SPACA4: variants seen among roughly 807,000 people sequenced by gnomAD.
SPACA4 encodes the protein sperm acrosome membrane-associated protein 4.
For synonymous variants in SPACA4, 63 were observed against 77.5 expected, an observed-to-expected ratio of 0.81 and a Z score of 0.98; for missense variants, 130 against 169.4, an observed-to-expected ratio of 0.77 and a Z score of 1.29.
Position 48,607,461 on chromosome 19 carries a change from C to G in SPACA4, c.*108C>G. ...CAGAGAGGCCCTGGACAACCTCTTG[C>G]GGCCCTGGCTTCATCCCTTCTAAGG... On this transcript the variant is annotated 3_prime_UTR_variant, in exon 1 of 1. Transcript: ENST00000321762. 1 of 1,405,610 alleles carries G rather than the reference C, an allele frequency of 7.1e-7. No individual in the cohort carries two copies. 87.1% of individuals were successfully genotyped at this position (1,405,610 alleles called of 1,614,324 possible).
rs1276807012 is a variant in SPACA4, at chr19:48,607,438, G to C, written c.*85G>C. The C allele has an allele frequency of 6.8e-7, 1 of 1,475,136 alleles. No homozygotes were observed. Among genetic ancestry groups the C allele is most frequent in the South Asian group, 1.4e-5 (1 of 73,302 alleles). The allele number at this position is 1,475,136 out of a possible 1,614,324, so 91.4% of individuals were successfully genotyped here. On this transcript the variant is annotated 3_prime_UTR_variant, in exon 1 of 1. Transcript: ENST00000321762. Reference sequence around the variant, plus strand: ...ATGTCCTTCCCCCACTAAATGGCCAGAGAGGCCCTGGACAACCTCTTGCGG... The same window carrying C: ...ATGTCCTTCCCCCACTAAATGGCCACAGAGGCCCTGGACAACCTCTTGCGG...
chr19:48,607,504 G>A lies in SPACA4; in HGVS notation c.*151G>A, dbSNP rs1006816234. Reference sequence around the variant, plus strand: ...TTCTAAGGCTGTCCACCAGGAGCCCGGTGCTAGGGGAAGCATCCCCAGGCC... The same window carrying A: ...TTCTAAGGCTGTCCACCAGGAGCCCAGTGCTAGGGGAAGCATCCCCAGGCC... On this transcript the variant is annotated 3_prime_UTR_variant, in exon 1 of 1. Transcript: ENST00000321762. 7.6e-4 allele frequency: 830 copies of A among 1,087,856 alleles called. 8 individuals carry two copies. The highest frequency in any genetic ancestry group is 1.0e-4 in the Non-Finnish European group (78 of 769,520). The allele number at this position is 1,087,856 out of a possible 1,614,324, so 67.4% of individuals were successfully genotyped here.
In SPACA4 at chr19:48,607,527, G is replaced by T; in HGVS notation, c.*174G>T. On this transcript the variant is annotated 3_prime_UTR_variant, in exon 1 of 1. Coordinates refer to ENST00000321762, the MANE Select transcript of SPACA4 (RefSeq NM_133498.3). ...CCGGTGCTAGGGGAAGCATCCCCAG[G>T]CCTGACTGAGCGGCAGGGGAGCACG... 1 of 850,150 alleles carries T rather than the reference G, an allele frequency of 1.2e-6. No homozygotes were observed. The highest frequency in any genetic ancestry group is 1.8e-6 in the Non-Finnish European group (1 of 553,470). 52.7% of individuals were successfully genotyped at this position (850,150 alleles called of 1,614,324 possible). A position where few individuals can be genotyped will look rare whatever the true frequency, so the allele number is the denominator to read the frequency against.
rs758159234 is a variant in SPACA4, at chr19:48,607,336, C to A, written c.358C>A (p.Pro120Thr). ...GGCACTGGGGCTGGGTATGCTGCTT[C>A]CTCCACGTTTGCTGTGACCAACAGG... ...SLALGLGMLLPPRLL is the reference protein window; with the variant it reads ...SLALGLGMLLTPRLL The change falls in exon 1 of 1, where the codon CCT becomes ACT. Residue 120 changes from proline (P) to threonine (T), a missense_variant. Transcript: ENST00000321762. 6.3e-7 allele frequency: 1 copy of A among 1,591,658 alleles called. No individual in the cohort carries two copies. Among genetic ancestry groups the A allele is most frequent in the Non-Finnish European group, 8.6e-7 (1 of 1,168,414 alleles).
Position 48,607,494 on chromosome 19 carries a change from C to T in SPACA4, c.*141C>T. 8.4e-7 allele frequency: 1 copy of T among 1,184,390 alleles called. No individual in the cohort carries two copies. Among genetic ancestry groups the T allele is most frequent in the Non-Finnish European group, 1.2e-6 (1 of 857,130 alleles). The allele number at this position is 1,184,390 out of a possible 1,614,324, so 73.4% of individuals were successfully genotyped here. On this transcript the variant is annotated 3_prime_UTR_variant, in exon 1 of 1. Transcript: ENST00000321762. ...GCTTCATCCCTTCTAAGGCTGTCCA[C>T]CAGGAGCCCGGTGCTAGGGGAAGCA...
In SPACA4 at chr19:48,606,766, G is replaced by A. The variant is rs1346189043; in HGVS notation, c.-213G>A. The A allele has an allele frequency of 5.0e-6, 3 of 602,666 alleles. No individual in the cohort carries two copies. The East Asian group carries it at 8.3e-5, about 17-fold the overall frequency. The allele number at this position is 602,666 out of a possible 1,614,324, so 37.3% of individuals were successfully genotyped here. On this transcript the variant is annotated 5_prime_UTR_variant, in exon 1 of 1. Coordinates refer to ENST00000321762, the MANE Select transcript of SPACA4 (RefSeq NM_133498.3). ...CATTCCATTCACAGACTCTTGTTGG[G>A]CAGCAGCCACCCGCTCACCTCCATC...
Position 48,607,017 on chromosome 19 carries a change from G to GC in SPACA4, c.44dup (p.Gly16ArgfsTer12), listed in dbSNP as rs1568419716. 1.9e-6 allele frequency: 3 copies of GC among 1,610,698 alleles called. No homozygotes were observed. Among genetic ancestry groups the GC allele is most frequent in the Non-Finnish European group, 2.5e-6 (3 of 1,179,940 alleles). On this transcript the variant is annotated frameshift_variant, in exon 1 of 1. Coordinates refer to ENST00000321762, the MANE Select transcript of SPACA4 (RefSeq NM_133498.3). LOFTEE classifies it low-confidence loss of function (END_TRUNC). Reference sequence around the variant, plus strand: ...GGCTGCTGCTTCTGGTGATGGCTCTGCCCCCAGGCACGACGGGCGTCAAGG... The same window carrying GC: ...GGCTGCTGCTTCTGGTGATGGCTCTGCCCCCCAGGCACGACGGGCGTCAAGG...
chr19:48,606,862 AC>A lies in SPACA4; in HGVS notation c.-115del. 1 of 1,329,906 alleles carries A rather than the reference AC, an allele frequency of 7.5e-7. No homozygotes were observed. Among genetic ancestry groups the A allele is most frequent in the Non-Finnish European group, 1.0e-6 (1 of 992,894 alleles). The allele number at this position is 1,329,906 out of a possible 1,614,324, so 82.4% of individuals were successfully genotyped here. On this transcript the variant is annotated 5_prime_UTR_variant, in exon 1 of 1. Coordinates refer to ENST00000321762, the MANE Select transcript of SPACA4 (RefSeq NM_133498.3). ...CAGGCGCTGACCCTGGGAGGCCAGG[AC>A]CAGGGCCAAAGTCCCGTGGGCAAGA...
chr19:48,607,551 C>A lies in SPACA4; in HGVS notation c.*198C>A. ...GGCCTGACTGAGCGGCAGGGGAGCA[C>A]GGCCCGTGGGTTTGATTGTATTACT... On this transcript the variant is annotated 3_prime_UTR_variant, in exon 1 of 1. Transcript: ENST00000321762. The A allele has an allele frequency of 1.4e-6, 1 of 690,188 alleles. No individual in the cohort carries two copies. Among genetic ancestry groups the A allele is most frequent in the Non-Finnish European group, 2.4e-6 (1 of 408,900 alleles). The allele number at this position is 690,188 out of a possible 1,614,324, so 42.8% of individuals were successfully genotyped here.
At position 48,606,898 on chromosome 19, in the gene SPACA4, A is replaced by C. The variant is rs1973940041; in HGVS notation, c.-81A>C. 6 of 1,515,090 alleles carry C rather than the reference A, an allele frequency of 4.0e-6. No individual in the cohort carries two copies. Among genetic ancestry groups the C allele is most frequent in the Admixed American group, 2.0e-5 (1 of 49,490 alleles). 93.9% of individuals were successfully genotyped at this position (1,515,090 alleles called of 1,614,324 possible). On this transcript the variant is annotated 5_prime_UTR_variant, in exon 1 of 1. Transcript: ENST00000321762. ...AGTCCCGTGGGCAAGAGGAGTCCTC[A>C]GAGGTCCTTCATTCAGCGGTTCCGG... is the stretch of plus-strand genomic sequence containing the variant.
In SPACA4 at chr19:48,606,944, C is replaced by T; in HGVS notation, c.-35C>T. 1 of 1,591,928 alleles carries T rather than the reference C, an allele frequency of 6.3e-7. No homozygotes were observed. Among genetic ancestry groups the T allele is most frequent in the Non-Finnish European group, 8.5e-7 (1 of 1,173,916 alleles). ...TCCGGGAGGTCTGGGAAGCCCACGG[C>T]CTGGCTGGGGCAGGGTCAACGCCGC... On this transcript the variant is annotated 5_prime_UTR_variant, in exon 1 of 1. Coordinates refer to ENST00000321762, the MANE Select transcript of SPACA4 (RefSeq NM_133498.3).
At position 48,607,040 on chromosome 19, in the gene SPACA4, A is replaced by G. The variant is rs1476016193; in HGVS notation, c.62A>G (p.Lys21Arg). The change falls in exon 1 of 1, where the codon AAG (lysine) becomes AGG (arginine). Residue 21 changes from lysine (K) to arginine (R), a missense_variant. Coordinates refer to ENST00000321762, the MANE Select transcript of SPACA4 (RefSeq NM_133498.3). ...MALPPGTTGV[K>R]DCVFCELTDS... ...CTGCCCCCAGGCACGACGGGCGTCAAGGACTGCGTCTTCTGTGAGCTCACC... is the reference window on the plus strand; with the variant it reads ...CTGCCCCCAGGCACGACGGGCGTCAGGGACTGCGTCTTCTGTGAGCTCACC... The G allele has an allele frequency of 3.7e-6, 6 of 1,612,368 alleles. No individual in the cohort carries two copies. The South Asian group carries it at 5.5e-5, about 15-fold the overall frequency.
chr19:48,607,531 G>C lies in SPACA4; in HGVS notation c.*178G>C. ...TGCTAGGGGAAGCATCCCCAGGCCT[G>C]ACTGAGCGGCAGGGGAGCACGGCCC... On this transcript the variant is annotated 3_prime_UTR_variant, in exon 1 of 1. Transcript: ENST00000321762. 1.2e-6 allele frequency: 1 copy of C among 832,982 alleles called. No homozygotes were observed. Among genetic ancestry groups the C allele is most frequent in the Non-Finnish European group, 1.9e-6 (1 of 538,050 alleles). The allele number at this position is 832,982 out of a possible 1,614,324, so 51.6% of individuals were successfully genotyped here. A position where few individuals can be genotyped will look rare whatever the true frequency, so the allele number is the denominator to read the frequency against.
In SPACA4 at chr19:48,607,651, G is replaced by A. The variant is rs1331829732; in HGVS notation, c.*298G>A. 1 of 424,968 alleles carries A rather than the reference G, an allele frequency of 2.4e-6. No individual in the cohort carries two copies. Among genetic ancestry groups the A allele is most frequent in the Non-Finnish European group, 4.3e-6 (1 of 230,620 alleles). The allele number at this position is 424,968 out of a possible 1,614,324, so 26.3% of individuals were successfully genotyped here. On this transcript the variant is annotated 3_prime_UTR_variant, in exon 1 of 1. Coordinates refer to ENST00000321762, the MANE Select transcript of SPACA4 (RefSeq NM_133498.3). Reference sequence around the variant, plus strand: ...GCTTCTCTCCATTGGTAGCACTTTAGAGTCCATGAAATATGGTAAAAAATA... The same window carrying A: ...GCTTCTCTCCATTGGTAGCACTTTAAAGTCCATGAAATATGGTAAAAAATA...
rs1231151965 is a variant in SPACA4, at chr19:48,606,878, C to G, written c.-101C>G. On this transcript the variant is annotated 5_prime_UTR_variant, in exon 1 of 1. Coordinates refer to ENST00000321762, the MANE Select transcript of SPACA4 (RefSeq NM_133498.3). ...GAGGCCAGGACCAGGGCCAAAGTCC[C>G]GTGGGCAAGAGGAGTCCTCAGAGGT... 1.0e-5 allele frequency: 15 copies of G among 1,434,108 alleles called. No individual in the cohort carries two copies. The East Asian group carries it at 3.4e-4, about 33-fold the overall frequency. 88.8% of individuals were successfully genotyped at this position (1,434,108 alleles called of 1,614,324 possible). A position where few individuals can be genotyped will look rare whatever the true frequency, so the allele number is the denominator to read the frequency against.
rs1309032282 is a variant in SPACA4, at chr19:48,607,016, T to TGCCCCC, written c.39_44dup (p.Pro14_Pro15dup). The TGCCCCC allele has an allele frequency of 6.2e-7, 1 of 1,610,748 alleles. No individual in the cohort carries two copies. Among genetic ancestry groups the TGCCCCC allele is most frequent in the Admixed American group, 1.7e-5 (1 of 60,032 alleles). ...TGGCTGCTGCTTCTGGTGATGGCTC[T>TGCCCCC]GCCCCCAGGCACGACGGGCGTCAAG... On this transcript the variant is annotated inframe_insertion, in exon 1 of 1. Coordinates refer to ENST00000321762, the MANE Select transcript of SPACA4 (RefSeq NM_133498.3).
rs1456690514 is a variant in SPACA4 at position 48,607,648 on chromosome 19, T to C, written c.*295T>C. 2 of 433,596 alleles carry C rather than the reference T, an allele frequency of 4.6e-6. No individual in the cohort carries two copies. The highest frequency in any genetic ancestry group is 8.5e-6 in the Non-Finnish European group (2 of 235,692). 26.9% of individuals were successfully genotyped at this position (433,596 alleles called of 1,614,324 possible). A position where few individuals can be genotyped will look rare whatever the true frequency, so the allele number is the denominator to read the frequency against. ...GATGCTTCTCTCCATTGGTAGCACTTTAGAGTCCATGAAATATGGTAAAAA... is the reference window on the plus strand; with the variant it reads ...GATGCTTCTCTCCATTGGTAGCACTCTAGAGTCCATGAAATATGGTAAAAA... On this transcript the variant is annotated 3_prime_UTR_variant, in exon 1 of 1. Coordinates refer to ENST00000321762, the MANE Select transcript of SPACA4 (RefSeq NM_133498.3).
At position 48,607,297 on chromosome 19, in the gene SPACA4, G is replaced by T. The variant is rs1973950363; in HGVS notation, c.319G>T (p.Ala107Ser). Residue 107 changes from alanine (A) to serine (S), a missense_variant, in exon 1 of 1, where the codon GCC (alanine) becomes TCC (serine). By Grantham distance (99) the Ala-to-Ser change is moderately conservative. Transcript: ENST00000321762. ...NRAPSSQTVG[A>S]TTSLALGLGM... Reference sequence around the variant, plus strand: ...AGCCCCGAGCAGCCAGACAGTGGGGGCCACCACCAGCCTGGCACTGGGGCT... The same window carrying T: ...AGCCCCGAGCAGCCAGACAGTGGGGTCCACCACCAGCCTGGCACTGGGGCT... The T allele has an allele frequency of 6.3e-7, 1 of 1,597,478 alleles. No individual in the cohort carries two copies. Among genetic ancestry groups the T allele is most frequent in the African/African-American group, 1.3e-5 (1 of 74,806 alleles).
chr19:48,607,180 G>A lies in SPACA4; in HGVS notation c.202G>A (p.Ala68Thr), dbSNP rs1482106401. The change falls in exon 1 of 1, where the codon GCC becomes ACC. Residue 68 changes from alanine (A) to threonine (T), a missense_variant. Transcript: ENST00000321762. ...GPVINKGCLR[A>T]TSCGLEEPVS... ...GGTCATCAACAAAGGCTGCCTGCGA[G>A]CCACCAGCTGCGGCCTTGAGGAACC... 6.2e-7 allele frequency: 1 copy of A among 1,613,156 alleles called. No homozygotes were observed. Among genetic ancestry groups the A allele is most frequent in the South Asian group, 1.1e-5 (1 of 91,088 alleles).
Sources: allele counts gnomAD v4.1 joint callset, GRCh38; gene constraint gnomAD v4.1.1; transcripts MANE v1.5; gene names NCBI Gene and HGNC (gene_info 2026-07-23, HGNC 2026-07-21).